HDAC8: variants seen among roughly 807,000 people sequenced by gnomAD.
The protein encoded by HDAC8 is histone deacetylase 8, also known as histone deacetylase-like 1.
A neutral mutation model predicts 32.2 loss-of-function variants in HDAC8; 1 was observed. The observed-to-expected ratio is 0.03, with a 90% CI of 0.01 to 0.15. The LOEUF is 0.15. Among genes scored for constraint, HDAC8 ranks in the 10% least tolerant of loss-of-function variants. The probability of loss-of-function intolerance (pLI) is 1.00; values close to 1 mark genes in which losing one functional copy is unlikely to be tolerated. For synonymous variants in HDAC8, 108 were observed against 113.9 expected, an observed-to-expected ratio of 0.95 and a Z score of 0.33; for missense variants, 117 against 300.0, an observed-to-expected ratio of 0.39 and a Z score of 4.51.
intron 7 of HDAC8, among the ~76,000 whole-genome samples, chrX:72,478,779 C>G (rs1392327999): frequency 4.6e-5 from 5 of 108,393 alleles, no homozygotes; most frequent in Non-Finnish European, 1.9e-5. Context: ...GCCTCAGCCT[C>G]CCAAGTAGCT....
intron 7 of HDAC8, among the ~76,000 whole-genome samples, chrX:72,471,916 C>A (rs2048187865): frequency 9.0e-6 from 1 of 111,616 alleles, no homozygotes; most frequent in African/African-American, 3.3e-5. Flanking sequence ...CAAGAGACCA[C>A]TTCCTATTTC....
chrX:72,342,719 C>T lies in HDAC8; in HGVS notation c.1111+9014G>A, dbSNP rs147975224. Among the ~76,000 whole-genome samples the T allele has an allele frequency of 4.4e-3, 493 of 111,859 alleles. 3 individuals are homozygous for T. Among genetic ancestry groups the T allele is most frequent in the African/African-American group, 0.015 (454 of 30,835 alleles). On this transcript the variant is annotated intron_variant, in intron 10 of 10. Transcript: ENST00000373573. ...GAATATTATTGGTTTGTTTATGCAACAATCAGCAGCTCTGCCAGGCAGAAG... is the reference window on the plus strand; with the variant it reads ...GAATATTATTGGTTTGTTTATGCAATAATCAGCAGCTCTGCCAGGCAGAAG...
chrX:72,462,343 T>A (rs2047891451), intron 8 of HDAC8: 1 of 289,603 alleles, frequency 3.5e-6, no homozygotes, highest in Non-Finnish European at 6.2e-6. Context: ...TAGGCTCCCA[T>A]CTCCCCAAAA....
intron 4 of HDAC8, among the ~76,000 whole-genome samples, chrX:72,552,348 C>A (rs1306794224): frequency 9.0e-6 from 1 of 111,013 alleles, no homozygotes; most frequent in African/African-American, 3.3e-5. Flanking sequence ...CAGTGGCTCA[C>A]GCCTGTAATC....
At chrX:72,469,805 A>C (rs2048115980) in intron 7 of HDAC8, among the ~76,000 whole-genome samples, 1 of 111,808 alleles carries the variant, frequency 8.9e-6, no homozygotes, top group South Asian at 3.8e-4. Context: ...TACAGCAGCT[A>C]GTCTAATTTT....
At chrX:72,483,051 A>T (rs1049282773) in intron 7 of HDAC8, among the ~76,000 whole-genome samples, 2 of 111,632 alleles carry the variant, frequency 1.8e-5, no homozygotes, top group East Asian at 5.6e-4. Context: ...GAGACAATAC[A>T]TTTTTTGGCC....
chrX:72,403,220 T>C (rs925204378), intron 9 of HDAC8, among the ~76,000 whole-genome samples: 8 of 112,166 alleles, frequency 7.1e-5, no homozygotes, highest in Non-Finnish European at 1.3e-4. Flanking sequence ...TATACCTTTT[T>C]TGTTTTTTGA....
intron 9 of HDAC8, among the ~76,000 whole-genome samples, chrX:72,364,349 G>C (rs556006306): frequency 9.0e-6 from 1 of 111,040 alleles, no homozygotes; most frequent in African/African-American, 3.3e-5. Flanking sequence ...AGGAGTTCGC[G>C]CCCTCTGTTG....
At chrX:72,516,017 G>A (rs1179526001) in intron 4 of HDAC8, among the ~76,000 whole-genome samples, 1 of 112,044 alleles carries the variant, frequency 8.9e-6, no homozygotes, top group Non-Finnish European at 1.9e-5. Flanking sequence ...TGTCTGATGG[G>A]ACATCACAGG....
intron 4 of HDAC8, among the ~76,000 whole-genome samples, chrX:72,546,136 T>C (rs1227969641): frequency 4.5e-5 from 5 of 111,427 alleles, no homozygotes; most frequent in African/African-American, 1.3e-4. Flanking sequence ...AACTAAGAGC[T>C]GGAGGTCTAG....
intron 9 of HDAC8, among the ~76,000 whole-genome samples, chrX:72,449,266 C>G (rs1264366513): frequency 9.0e-6 from 1 of 111,393 alleles, no homozygotes; most frequent in African/African-American, 3.3e-5. Flanking sequence ...AGGATGAGTT[C>G]ATGTCCTTTG....
chrX:72,330,913 A>C (rs1468370158), intron 10 of HDAC8: 1 of 109,919 alleles, frequency 9.1e-6, no homozygotes, highest in Non-Finnish European at 1.9e-5. Flanking sequence ...GGAAGGAAAG[A>C]AGAAACAAGT....
intron 9 of HDAC8, among the ~76,000 whole-genome samples, chrX:72,425,964 G>C (rs192093434): frequency 1.3e-4 from 15 of 112,087 alleles, no homozygotes; most frequent in Admixed American, 8.5e-4. Flanking sequence ...TCTTTCCTTA[G>C]AAGCTGATTC....
At chrX:72,439,427 A>G (rs1417404970) in intron 9 of HDAC8, among the ~76,000 whole-genome samples, 1 of 111,078 alleles carries the variant, frequency 9.0e-6, no homozygotes, top group East Asian at 2.8e-4. Flanking sequence ...ATAACCAGCT[A>G]GCATCATAAT....
intron 9 of HDAC8, among the ~76,000 whole-genome samples, chrX:72,354,922 A>C (rs1257173886): frequency 8.9e-6 from 1 of 111,966 alleles, no homozygotes; most frequent in Non-Finnish European, 1.9e-5. Flanking sequence ...AATAAATGTG[A>C]ATTCCCTTCT....
chrX:72,363,643 C>T (rs1398777369), intron 9 of HDAC8, among the ~76,000 whole-genome samples: 2 of 111,035 alleles, frequency 1.8e-5, no homozygotes, highest in African/African-American at 6.6e-5. Flanking sequence ...GCAATCTTGG[C>T]TCACTACAAC....
chrX:72,526,865 GC>G (rs2050168040), intron 4 of HDAC8, among the ~76,000 whole-genome samples: 2 of 110,273 alleles, frequency 1.8e-5, no homozygotes, highest in African/African-American at 6.6e-5. Context: ...CCTCCCTTTG[GC>G]CCCTCCTTCT....
intron 9 of HDAC8, among the ~76,000 whole-genome samples, chrX:72,401,569 G>A (rs782718071): frequency 1.8e-5 from 2 of 112,219 alleles, no homozygotes; most frequent in Non-Finnish European, 1.9e-5. Context: ...AGCCATCCTG[G>A]TGGGTGTGCA....
At chrX:72,387,000 G>A (rs2045452451) in intron 9 of HDAC8, among the ~76,000 whole-genome samples, 1 of 112,187 alleles carries the variant, frequency 8.9e-6, no homozygotes, top group Non-Finnish European at 1.9e-5. Flanking sequence ...CTAGTTCAGA[G>A]TAGAACAGCA....
Sources: gnomAD v4.1 joint callset for allele counts (sites outside exome capture counted in the v4.1 genomes callset) on GRCh38, gnomAD v4.1.1 for gene constraint, MANE v1.5 for transcripts, NCBI Gene and HGNC (gene_info 2026-07-23, HGNC 2026-07-21) for gene names.